The following NOD2 variants were observed in gnomAD, a reference collection of about 807,000 sequenced individuals.
NOD2 encodes the protein nucleotide binding oligomerization domain containing 2.
A neutral mutation model predicts 90.9 loss-of-function variants in NOD2; 86 were observed. The ratio of observed to expected loss-of-function variants is 0.95; its 90% CI spans 0.79 to 1.13. NOD2 has a LOEUF of 1.13. Among genes scored for constraint, NOD2 ranks in the 50% most tolerant of loss-of-function variants. The probability of loss-of-function intolerance (pLI) is 0.00; values close to 1 mark genes in which losing one functional copy is unlikely to be tolerated. For missense variants in NOD2, 1,238 were observed against 1,283.8 expected (o/e 0.96, Z 0.55); for synonymous variants, 581 against 554.6 (o/e 1.05, Z -0.67).
rs369795120 is a variant in NOD2, at chr16:50,725,458, T to A, written c.2802-31T>A. 1.3e-5 allele frequency: 20 copies of A among 1,541,210 alleles called. No individual in the cohort carries two copies. In the Admixed American group the frequency reaches 1.8e-4, roughly 14 times the overall value. On this transcript the variant is annotated intron_variant, in intron 9 of 11. Transcript: ENST00000647318. ...ATCATCTTCCATAATCAATGTTGTA[T>A]CAACTGGATTTTCTCTCTTCTTCTC...
At chr16:50,718,901 A>C (rs1227001178) in intron 6 of NOD2, among the ~76,000 whole-genome samples, 1 of 152,182 alleles carries the variant, frequency 6.6e-6, no homozygotes, top group East Asian at 1.9e-4. Context: ...TATTGGGGAA[A>C]AGTCCTAAAA....
At chr16:50,721,122 C>T (rs2150831128) in intron 7 of NOD2, among the ~76,000 whole-genome samples, 1 of 152,072 alleles carries the variant, frequency 6.6e-6, no homozygotes, top group Non-Finnish European at 1.5e-5. Flanking sequence ...TCAGTTTGAG[C>T]CACAAATGGG....
rs2150783000 is a variant in NOD2, at chr16:50,699,970, T to C, written c.459+16T>C. 1 of 1,595,334 alleles carries C rather than the reference T, an allele frequency of 6.3e-7. No individual in the cohort carries two copies. The highest frequency in any genetic ancestry group is 1.1e-5 in the South Asian group (1 of 90,934). ...GTCCCAGAGGGTGAGGCACTCCTGGTGTGCATCACAGAGTTCTCAGGAAAG... is the reference window on the plus strand; with the variant it reads ...GTCCCAGAGGGTGAGGCACTCCTGGCGTGCATCACAGAGTTCTCAGGAAAG... On this transcript the variant is annotated intron_variant, in intron 2 of 11. Coordinates refer to ENST00000647318, the MANE Select transcript of NOD2 (RefSeq NM_001370466.1).
chr16:50,709,994 T>G (rs1245749131), intron 3 of NOD2: 1 of 456,048 alleles, frequency 2.2e-6, no homozygotes. Flanking sequence ...AAGTGTATGG[T>G]GGACCCAGGT....
At chr16:50,723,493 G>GTGATTGAC in intron 9 of NOD2, 109 bp downstream of exon 9, 1 of 911,076 alleles carries the variant, frequency 1.1e-6, no homozygotes, top group Non-Finnish European at 1.8e-6. Flanking sequence ...GGATGATTGA[G>GTGATTGAC]TGATTGACTG....
chr16:50,725,379 C>T, intron 9 of NOD2, 110 bp from the exon 10 acceptor site: 2 of 795,218 alleles, frequency 2.5e-6, no homozygotes, highest in Non-Finnish European at 4.4e-6. Context: ...TTTCTTTATC[C>T]ATGAGTTTGG....
intron 2 of NOD2, among the ~76,000 whole-genome samples, chr16:50,701,098 A>G (rs1963920953): frequency 6.6e-6 from 1 of 152,250 alleles, no homozygotes; most frequent in South Asian, 2.1e-4. Context: ...AGCTCACAGT[A>G]GTTAATGAGG....
intron 4 of NOD2, among the ~76,000 whole-genome samples, chr16:50,715,987 G>A (rs1473562530): frequency 2.0e-5 from 3 of 152,326 alleles, no homozygotes; most frequent in African/African-American, 7.2e-5. Context: ...GTGATCAGGT[G>A]AGTTTTGGGA....
chr16:50,716,900 C>T lies in NOD2; in HGVS notation c.2475C>T (p.Asn825=). The change falls in exon 6 of 12, where the codon AAC becomes AAT. Residue 825 remains asparagine (N), a synonymous_variant. Coordinates refer to ENST00000647318, the MANE Select transcript of NOD2 (RefSeq NM_001370466.1). The part of the protein sequence containing the change: ...CEQLQKLALF[N]NKLTDGCAHS... ...TTCTGGAACTGAACAGTCTATTCAA[C>T]AACAAATTGACTGACGGCTGTGCAC... 1 of 1,614,118 alleles carries T rather than the reference C, an allele frequency of 6.2e-7. No homozygotes were observed. The highest frequency in any genetic ancestry group is 8.5e-7 in the Non-Finnish European group (1 of 1,179,916).
intron 4 of NOD2, among the ~76,000 whole-genome samples, chr16:50,715,415 T>A (rs1018016364): frequency 2.2e-5 from 3 of 136,542 alleles, no homozygotes; most frequent in Non-Finnish European, 3.2e-5. Flanking sequence ...ATACTATTGT[T>A]CCCTCTTTTT....
At chr16:50,707,704 T>G (rs1964261896) in intron 2 of NOD2, 151 bp from the exon 3 acceptor site, 2 of 695,864 alleles carry the variant, frequency 2.9e-6, no homozygotes, top group South Asian at 3.0e-5. Flanking sequence ...CTGTATTAAC[T>G]ACTTGAAACT....
chr16:50,725,416 G>T (rs1316977621), intron 9 of NOD2, 73 bp from the exon 10 acceptor site: 3 of 1,142,876 alleles, frequency 2.6e-6, no homozygotes, highest in Non-Finnish European at 4.0e-6. Flanking sequence ...TTTCCTATAT[G>T]GGGGGCATGT....
intron 10 of NOD2, among the ~76,000 whole-genome samples, chr16:50,725,889 A>G (rs1045160585): frequency 1.3e-5 from 2 of 152,224 alleles, no homozygotes; most frequent in African/African-American, 4.8e-5. Context: ...CCAGTGCAGA[A>G]CACACATGGT....
intron 2 of NOD2, among the ~76,000 whole-genome samples, chr16:50,705,786 T>C (rs1363549404): frequency 6.6e-6 from 1 of 152,220 alleles, no homozygotes; most frequent in Admixed American, 6.5e-5. Flanking sequence ...AGTCCGTTAC[T>C]ATTCATTCAA....
At chr16:50,704,291 T>G (rs575038588) in intron 2 of NOD2, among the ~76,000 whole-genome samples, 44 of 152,324 alleles carry the variant, frequency 2.9e-4, no homozygotes, top group African/African-American at 1.1e-3. Flanking sequence ...TCCTGAATCC[T>G]ATGGCCTCTT....
At chr16:50,706,766 G>A (rs1596848220) in intron 2 of NOD2, among the ~76,000 whole-genome samples, 2 of 148,430 alleles carry the variant, frequency 1.3e-5, no homozygotes, top group Non-Finnish European at 1.5e-5. Context: ...GTGTGATCTC[G>A]GCTCACTGCA....
rs1964586797 is a variant in NOD2, at chr16:50,712,501, C to T, written c.2381+128C>T. On this transcript the variant is annotated intron_variant, in intron 4 of 11. Coordinates refer to ENST00000647318, the MANE Select transcript of NOD2 (RefSeq NM_001370466.1). Reference sequence around the variant, plus strand: ...TCTGCCACCCTGCTTTGCAACACTGCCCAGATCCCTTCCCTTCTGGGCCTT... The same window carrying T: ...TCTGCCACCCTGCTTTGCAACACTGTCCAGATCCCTTCCCTTCTGGGCCTT... 2.6e-6 allele frequency: 3 copies of T among 1,132,154 alleles called. No individual in the cohort carries two copies. The East Asian group carries it at 7.1e-5, about 27-fold the overall frequency. The allele number at this position is 1,132,154 out of a possible 1,614,324, so 70.1% of individuals were successfully genotyped here.
chr16:50,701,615 A>C (rs1963942292), intron 2 of NOD2, among the ~76,000 whole-genome samples: 1 of 152,216 alleles, frequency 6.6e-6, no homozygotes, highest in Non-Finnish European at 1.5e-5. Flanking sequence ...AGAAGTTACA[A>C]GATTGTGTCT....
At chr16:50,726,635 C>A (rs1264370014) in intron 10 of NOD2, among the ~76,000 whole-genome samples, 2 of 152,134 alleles carry the variant, frequency 1.3e-5, no homozygotes, top group Non-Finnish European at 2.9e-5. Flanking sequence ...TTTGTCTTCC[C>A]TCCTTGTCAC....
Sources: gnomAD v4.1 joint callset for allele counts (sites outside exome capture counted in the v4.1 genomes callset) on GRCh38, gnomAD v4.1.1 for gene constraint, MANE v1.5 for transcripts, NCBI Gene and HGNC (gene_info 2026-07-23, HGNC 2026-07-21) for gene names.